Variants in SAMD5 observed in about 807,000 individuals in gnomAD.
SAMD5 encodes sterile alpha motif domain containing 5.
A neutral mutation model predicts 11.3 loss-of-function variants in SAMD5; 13 were observed. The observed-to-expected ratio is 1.15, with a 90% confidence interval of 0.75 to 1.83. SAMD5 has a LOEUF of 1.83. SAMD5 is among the 40% of genes most tolerant of loss of function. The pLI is 0.00. For synonymous variants in SAMD5, 129 were observed against 111.3 expected (o/e 1.16, Z -1.00); for missense variants, 255 against 239.1 (o/e 1.07, Z -0.44).
chr6:147,784,127 C>T, the SAMD5 span, among the ~76,000 whole-genome samples: 16 of 152,104 alleles, frequency 1.1e-4, no homozygotes, highest in South Asian at 4.1e-4. Context: ...CCCCTGCAAA[C>T]GGTGGTAGAA....
chr6:147,569,440 C>A lies in SAMD5; in HGVS notation c.*4984C>A. The stretch of plus-strand genomic sequence containing the variant: ...CTTAACAATTTTGCCAAAATTTCTT[C>A]TACTGGACCAAAAGGAAATAAATCT... On this transcript the variant is annotated 3_prime_UTR_variant, in exon 2 of 2. Coordinates refer to ENST00000367474, the MANE Select transcript of SAMD5 (RefSeq NM_001030060.3). The A allele has an allele frequency of 1.1e-6, 1 of 942,586 alleles. No individual in the cohort carries two copies. Among genetic ancestry groups the A allele is most frequent in the Non-Finnish European group, 1.3e-6 (1 of 790,922 alleles). 58.4% of individuals were successfully genotyped at this position (942,586 alleles called of 1,614,324 possible).
chr6:147,894,365 G>GGGAGA, the SAMD5 span, among the ~76,000 whole-genome samples: 1 of 151,926 alleles, frequency 6.6e-6, no homozygotes, highest in African/African-American at 2.4e-5. Flanking sequence ...CTTGTGATCC[G>GGGAGA]CCTGCATCGG....
At chr6:147,804,034 C>T in the SAMD5 span, among the ~76,000 whole-genome samples, 2 of 152,114 alleles carry the variant, frequency 1.3e-5, no homozygotes, top group Admixed American at 1.3e-4. Context: ...CCAGGTCACC[C>T]ATAGGTCTAT....
chr6:147,763,819 T>C, the SAMD5 span, among the ~76,000 whole-genome samples: 1 of 152,086 alleles, frequency 6.6e-6, no homozygotes, highest in Non-Finnish European at 1.5e-5. Flanking sequence ...CCTGACCTCG[T>C]GGTCCGCCTG....
chr6:147,798,795 T>C, the SAMD5 span, among the ~76,000 whole-genome samples: 1 of 152,218 alleles, frequency 6.6e-6, no homozygotes, highest in African/African-American at 2.4e-5. Context: ...GCTCTTCTTG[T>C]TGAATTGAAC....
chr6:147,601,369 T>G (rs1181466675), intron 1 of SAMD5, among the ~76,000 whole-genome samples: 5 of 152,080 alleles, frequency 3.3e-5, no homozygotes, highest in Admixed American at 3.3e-4. Flanking sequence ...TATAGGCAAC[T>G]ATTTCATTCA....
chr6:147,530,154 C>T (rs148688148), intron 1 of SAMD5, among the ~76,000 whole-genome samples: 1 of 152,282 alleles, frequency 6.6e-6, no homozygotes, highest in African/African-American at 2.4e-5. Flanking sequence ...TTAGAGGTTT[C>T]GCTGCAGAAA....
rs139996257 is a variant in SAMD5 at position 147,596,403 on chromosome 6, A to G, written c.162+87016A>G. ...TGATTTAAAAGTAATTTTCAGTTGC[A>G]TATTTATTAGACCTATTAGTCTGTG... On this transcript the variant is annotated intron_variant, in intron 1 of 1. Coordinates refer to the SAMD5 transcript ENST00000566741. Among the ~76,000 whole-genome samples the G allele has an allele frequency of 1.0e-3, 155 of 152,326 alleles. 2 individuals are homozygous for G. Among genetic ancestry groups the G allele is most frequent in the African/African-American group, 3.6e-3 (149 of 41,590 alleles).
At chr6:147,654,440 A>C (rs1000131667) in intron 1 of SAMD5, among the ~76,000 whole-genome samples, 6 of 152,206 alleles carry the variant, frequency 3.9e-5, no homozygotes, top group Admixed American at 3.3e-4. Context: ...GAAGAAGAGA[A>C]TGAAAGGAGC....
the SAMD5 span, among the ~76,000 whole-genome samples, chr6:147,850,817 C>T: frequency 6.6e-6 from 1 of 152,020 alleles, no homozygotes. Flanking sequence ...ATTTAGTCAC[C>T]GAGTAGCAGA....
rs377426364 is a variant in SAMD5, at chr6:147,632,371, T to C, written c.163-104946T>C. On this transcript the variant is annotated intron_variant, in intron 1 of 1. Transcript: ENST00000566741. ...GCATATTTAGAGTCAGTATAAATAT[T>C]GACGCATAGTCCTTTTGCAAGAGTG... Among the ~76,000 whole-genome samples, 280 of 152,344 alleles carry C rather than the reference T, an allele frequency of 1.8e-3. 1 individual carries two copies. Among genetic ancestry groups the C allele is most frequent in the Non-Finnish European group, 3.0e-3 (206 of 68,026 alleles).
chr6:147,554,930 A>G (rs1469287660), intron 1 of SAMD5, among the ~76,000 whole-genome samples: 1 of 152,170 alleles, frequency 6.6e-6, no homozygotes, highest in Non-Finnish European at 1.5e-5. Flanking sequence ...GCATAACAAT[A>G]CTATAATGTG....
intron 1 of SAMD5, among the ~76,000 whole-genome samples, chr6:147,606,965 A>AT (rs1203124503): frequency 6.8e-6 from 1 of 147,788 alleles, no homozygotes; most frequent in Admixed American, 6.7e-5. Flanking sequence ...GCTTTATCCA[A>AT]AAAAAAAAAA....
intron 1 of SAMD5, among the ~76,000 whole-genome samples, chr6:147,666,259 A>T (rs1323668265): frequency 1.3e-5 from 2 of 151,286 alleles, no homozygotes; most frequent in African/African-American, 4.8e-5. Context: ...TTTTACTTTT[A>T]TTATGAAGTG....
chr6:147,881,048 C>A, the SAMD5 span, among the ~76,000 whole-genome samples: 19 of 152,118 alleles, frequency 1.2e-4, no homozygotes, highest in Non-Finnish European at 2.6e-4. Flanking sequence ...AGCTGAGAAG[C>A]ATGTCCACCT....
chr6:147,513,941 A>T (rs1430026164), intron 1 of SAMD5, among the ~76,000 whole-genome samples: 4 of 152,172 alleles, frequency 2.6e-5, no homozygotes, highest in African/African-American at 9.6e-5. Context: ...GAGAGTGCAG[A>T]CAGGGATCAC....
At chr6:147,611,605 A>T (rs973905376) in intron 1 of SAMD5, among the ~76,000 whole-genome samples, 1 of 152,140 alleles carries the variant, frequency 6.6e-6, no homozygotes, top group Admixed American at 6.5e-5. Flanking sequence ...CACCGCAGAA[A>T]GTGAGGGACA....
the SAMD5 span, among the ~76,000 whole-genome samples, chr6:147,744,255 G>T: frequency 6.6e-6 from 1 of 152,148 alleles, no homozygotes; most frequent in Non-Finnish European, 1.5e-5. Flanking sequence ...TCTGTAAAAA[G>T]AAGATAATAT....
chr6:147,919,865 C>T, the SAMD5 span, among the ~76,000 whole-genome samples: 1 of 152,206 alleles, frequency 6.6e-6, no homozygotes, highest in African/African-American at 2.4e-5. Flanking sequence ...AACGTGACCT[C>T]ATAAGGACTC....
Sources: allele counts gnomAD v4.1 joint callset (sites outside exome capture counted in the v4.1 genomes callset), GRCh38; gene constraint gnomAD v4.1.1; transcripts MANE v1.5; gene names NCBI Gene and HGNC (gene_info 2026-07-23, HGNC 2026-07-21).